The following TAB2 variants were observed in gnomAD, a reference collection of about 807,000 sequenced individuals.
TAB2 encodes TGF-beta activated kinase 1 (MAP3K7) binding protein 2.
A neutral mutation model predicts 65.0 loss-of-function variants in TAB2; 3 were observed. The observed-to-expected ratio is 0.05, with a 90% CI of 0.02 to 0.12. The LOEUF is 0.12. TAB2 is among the 10% of genes least tolerant of loss of function. The probability of loss-of-function intolerance (pLI) is 1.00; values close to 1 mark genes in which losing one functional copy is unlikely to be tolerated. For synonymous variants in TAB2, 298 were observed against 285.1 expected, an observed-to-expected ratio of 1.05 and a Z score of -0.46; for missense variants, 623 against 840.3, an observed-to-expected ratio of 0.74 and a Z score of 3.20.
At chr6:149,314,031 C>A (rs1021027259), upstream of TAB2, among the ~76,000 whole-genome samples, 3 of 152,200 alleles carry the variant, frequency 2.0e-5, no homozygotes, top group African/African-American at 7.2e-5. Context: ...TGGATGATAT[C>A]ATTGAGTTTC....
At chr6:149,219,883 G>T (rs370398034) in intron 1 of TAB2, among the ~76,000 whole-genome samples, 1 of 152,048 alleles carries the variant, frequency 6.6e-6, no homozygotes, top group East Asian at 1.9e-4. Flanking sequence ...ACCTCTTTAC[G>T]CTCTTAAAAA....
chr6:149,265,192 CT>C (rs35409891), intron 1 of TAB2, among the ~76,000 whole-genome samples: 34,071 of 139,492 alleles, frequency 0.24, 4,081 homozygotes, highest in East Asian at 0.42. Flanking sequence ...GTTCAGAACC[CT>C]TTTTTTTTTT....
In TAB2 at chr6:149,378,689, T is replaced by A. The variant is rs368534604; in HGVS notation, c.774T>A (p.Thr258=). 24 of 1,613,840 alleles carry A rather than the reference T, an allele frequency of 1.5e-5. No individual in the cohort carries two copies. The East Asian group carries it at 1.6e-4, about 10-fold the overall frequency. ...CTTCACAGCCTGGTCCCTGGACTAC[T>A]TGTCCTGCATCTAATCCTCTGTCAC... ...YQPSQPGPWT[T]CPASNPLSHT... The change falls in exon 3 of 7, where the codon ACT becomes ACA. Residue 258 remains threonine, a synonymous_variant. Coordinates refer to ENST00000637181, the MANE Select transcript of TAB2 (RefSeq NM_001292034.3).
rs1312111446 is a variant in TAB2 at position 149,310,659 on chromosome 6, T to C, written c.-120-67359T>C. ...ATTTGCATTCTCTGTAAGTTTGGCC[T>C]CTCATCCTTTTACATCTGAATGACA... On this transcript the variant is annotated intron_variant, in intron 1 of 1. Transcript: ENST00000606202. Among the ~76,000 whole-genome samples the C allele has an allele frequency of 2.0e-5, 3 of 152,276 alleles. No homozygotes were observed. In the East Asian group the frequency reaches 5.8e-4, roughly 29 times the overall value.
intron 1 of TAB2, among the ~76,000 whole-genome samples, chr6:149,272,911 C>T (rs559084026): frequency 4.6e-5 from 7 of 152,250 alleles, no homozygotes; most frequent in African/African-American, 1.7e-4. Flanking sequence ...GAGCATGAGT[C>T]CTATTGTGAA....
At chr6:149,367,854 G>A (rs540704086) in intron 1 of TAB2, among the ~76,000 whole-genome samples, 2 of 152,100 alleles carry the variant, frequency 1.3e-5, no homozygotes, top group African/African-American at 2.4e-5. Context: ...GGAAAGGATT[G>A]ATTTGGATGG....
intron 1 of TAB2, among the ~76,000 whole-genome samples, chr6:149,279,975 T>TC (rs1175436572): frequency 6.6e-6 from 1 of 152,212 alleles, no homozygotes; most frequent in East Asian, 1.9e-4. Context: ...CTGCCACACA[T>TC]CCAGTCAGCA....
intron 1 of TAB2, among the ~76,000 whole-genome samples, chr6:149,357,408 T>C (rs1383950598): frequency 6.9e-5 from 5 of 72,224 alleles, no homozygotes; most frequent in Non-Finnish European, 1.4e-4. Flanking sequence ...AGAGGGAGAC[T>C]CCGTCTCAAG....
intron 1 of TAB2, among the ~76,000 whole-genome samples, chr6:149,277,842 GCAT>G (rs1314909224): frequency 6.6e-6 from 1 of 152,034 alleles, no homozygotes; most frequent in Non-Finnish European, 1.5e-5. Context: ...AGAATTAAAG[GCAT>G]CATATTCATT....
chr6:149,222,055 G>A (rs565875535), intron 1 of TAB2, among the ~76,000 whole-genome samples: 3 of 152,222 alleles, frequency 2.0e-5, no homozygotes, highest in South Asian at 2.1e-4. Context: ...TAGACGGCCC[G>A]AATGGAACAA....
At chr6:149,324,223 A>C (rs1196038398) in intron 1 of TAB2, among the ~76,000 whole-genome samples, 1 of 152,198 alleles carries the variant, frequency 6.6e-6, no homozygotes, top group African/African-American at 2.4e-5. Flanking sequence ...AGAGAGAAGC[A>C]GCAAGAGTAT....
intron 2 of TAB2, among the ~76,000 whole-genome samples, chr6:149,371,541 A>G (rs2114862418): frequency 6.6e-6 from 1 of 152,304 alleles, no homozygotes; most frequent in African/African-American, 2.4e-5. Flanking sequence ...TTGGTGATAA[A>G]CCAAACTGAG....
chr6:149,333,635 A>G (rs1779846827), intron 1 of TAB2, among the ~76,000 whole-genome samples: 2 of 151,934 alleles, frequency 1.3e-5, no homozygotes, highest in Non-Finnish European at 2.9e-5. Context: ...AGCCCTTACT[A>G]TTCCAATGCA....
intron 3 of TAB2, among the ~76,000 whole-genome samples, chr6:149,396,341 T>G (rs574790544): frequency 6.6e-6 from 1 of 152,254 alleles, no homozygotes; most frequent in South Asian, 2.1e-4. Context: ...CTTAGATGTC[T>G]GTGAGACCTT....
chr6:149,358,073 G>A lies in TAB2; in HGVS notation c.-89-11836G>A, dbSNP rs150264568. On this transcript the variant is annotated intron_variant, in intron 1 of 6. Coordinates refer to ENST00000637181, the MANE Select transcript of TAB2 (RefSeq NM_001292034.3). ...CTAGAAGTGAAATTGCTGAGTCATA[G>A]GGTCTGCAAATTAAATTAGATCTGC... Among the ~76,000 whole-genome samples, 998 of 152,226 alleles carry A rather than the reference G, an allele frequency of 6.6e-3. 13 individuals are homozygous for A. Among genetic ancestry groups the A allele is most frequent in the African/African-American group, 0.022 (906 of 41,534 alleles).
At chr6:149,317,414 C>G (rs879146950), upstream of TAB2, 5 of 64,990 alleles carry the variant, frequency 7.7e-5, no homozygotes, top group Non-Finnish European at 1.4e-4. This position sits in a 1 kb window ranked among gnomAD's most constrained non-coding sequence, Gnocchi z 4.7. Flanking sequence ...GGGCCGCAGC[C>G]GCAGCCGCCG....
chr6:149,369,186 C>T (rs550163141), intron 1 of TAB2, among the ~76,000 whole-genome samples: 2 of 152,184 alleles, frequency 1.3e-5, no homozygotes, highest in South Asian at 4.1e-4. Flanking sequence ...GATTTTTCAA[C>T]ATTAAACATG....
intron 3 of TAB2, among the ~76,000 whole-genome samples, chr6:149,391,535 C>T (rs929919388): frequency 6.6e-6 from 1 of 151,818 alleles, no homozygotes; most frequent in Non-Finnish European, 1.5e-5. Flanking sequence ...CTTTGTCTTT[C>T]TTGGGGGTAT....
At chr6:149,275,142 TTG>T (rs1554255792) in intron 1 of TAB2, among the ~76,000 whole-genome samples, 1 of 148,218 alleles carries the variant, frequency 6.7e-6, no homozygotes, top group African/African-American at 2.5e-5. Flanking sequence ...TTTTTTTTTT[TTG>T]AGTTGGAGTC....
Sources: gnomAD v4.1 joint callset for allele counts (sites outside exome capture counted in the v4.1 genomes callset) on GRCh38, gnomAD v4.1.1 for gene constraint, Gnocchi (gnomAD v3.1) non-coding constraint, MANE v1.5 for transcripts, NCBI Gene and HGNC (gene_info 2026-07-23, HGNC 2026-07-21) for gene names.